LCP1: variants seen among roughly 807,000 people sequenced by gnomAD.
LCP1 encodes the protein lymphocyte cytosolic protein 1.
LCP1 carries 23 observed loss-of-function variants against 72.0 expected under a neutral mutation model. The observed-to-expected ratio is 0.32, with a 90% CI of 0.23 to 0.45. The LOEUF (loss-of-function observed/expected upper bound fraction) is 0.45. LCP1 is among the 20% of genes least tolerant of loss of function. The probability of loss-of-function intolerance (pLI) is 1.00; values close to 1 mark genes in which losing one functional copy is unlikely to be tolerated. For missense variants in LCP1, 571 were observed against 748.3 expected (o/e 0.76, Z 2.76); for synonymous variants, 245 against 275.4 (o/e 0.89, Z 1.09).
chr13:46,176,902 TGA>T (rs3033096), intron 1 of LCP1, among the ~76,000 whole-genome samples: 4 of 150,866 alleles, frequency 2.7e-5, no homozygotes, highest in African/African-American at 7.3e-5. Context: ...TGTGTGTGTG[TGA>T]GAGAGCGAGA....
At chr13:46,128,373 T>A (rs532983058) in intron 15 of LCP1, among the ~76,000 whole-genome samples, 13 of 152,054 alleles carry the variant, frequency 8.5e-5, no homozygotes, top group Admixed American at 2.0e-4. Flanking sequence ...CCGAGGCGGG[T>A]GGATCACAAG....
At chr13:46,129,497 A>G (rs1426684277) in intron 15 of LCP1, among the ~76,000 whole-genome samples, 1 of 152,140 alleles carries the variant, frequency 6.6e-6, no homozygotes, top group Non-Finnish European at 1.5e-5. Flanking sequence ...TATTTGCTCT[A>G]AAGAGCTCTA....
At chr13:46,142,217 C>T (rs2045702700) in intron 13 of LCP1, 75 bp downstream of exon 13, 4 of 1,460,134 alleles carry the variant, frequency 2.7e-6, no homozygotes, top group Non-Finnish European at 3.8e-6. Flanking sequence ...TTAACTCATA[C>T]TGCTAAAAAT....
chr13:46,172,635 G>C (rs1275419783), intron 1 of LCP1, among the ~76,000 whole-genome samples: 1 of 152,216 alleles, frequency 6.6e-6, no homozygotes, highest in Non-Finnish European at 1.5e-5. Flanking sequence ...TGGTGAGGTG[G>C]TGTCAGCGTG....
rs142667114 is a variant in LCP1, at chr13:46,178,496, C to T, written c.-25+3615G>A. 6.5e-3 allele frequency among the ~76,000 whole-genome samples: 997 copies of T among 152,262 alleles called. 37 individuals are homozygous for T. The highest frequency in any genetic ancestry group is 0.06 in the Admixed American group (914 of 15,292). On this transcript the variant is annotated intron_variant, in intron 1 of 15. Transcript: ENST00000323076. ...GGAGATATCCCTAGGAAACCAACAT[C>T]TAATCAGGAGGTGACTTCCGAGAGC...
At position 46,154,901 on chromosome 13, in the gene LCP1, A is replaced by G; in HGVS notation, c.492-15T>C. The G allele has an allele frequency of 6.2e-7, 1 of 1,603,676 alleles. No homozygotes were observed. The highest frequency in any genetic ancestry group is 8.5e-7 in the Non-Finnish European group (1 of 1,170,608). On this transcript the variant is annotated splice_polypyrimidine_tract_variant and intron_variant, in intron 5 of 15. Coordinates refer to ENST00000323076, the MANE Select transcript of LCP1 (RefSeq NM_002298.5). ...TGATCATTTTACTGAAAGAGAAACA[A>G]TTAAATTAAAGAAAGCAGTCTTCTG...
At chr13:46,162,934 G>A (rs1449279097) in intron 1 of LCP1, among the ~76,000 whole-genome samples, 2 of 151,174 alleles carry the variant, frequency 1.3e-5, no homozygotes, top group Non-Finnish European at 2.9e-5. Flanking sequence ...AAAGTGAGGC[G>A]CCCCTCCGCC....
rs1182328312 is a variant in LCP1 at position 46,159,220 on chromosome 13, C to G, written c.65-231G>C. 4 of 539,294 alleles carry G rather than the reference C, an allele frequency of 7.4e-6. No individual in the cohort carries two copies. In the South Asian group the frequency reaches 1.0e-4, roughly 14 times the overall value. The allele number at this position is 539,294 out of a possible 1,614,324, so 33.4% of individuals were successfully genotyped here. A position where few individuals can be genotyped will look rare whatever the true frequency, so the allele number is the denominator to read the frequency against. ...AAAGAGTCATAATTTCTATAAGGTA[C>G]CTCTGTTTCCACAAAGAACTCTTAT... On this transcript the variant is annotated intron_variant, in intron 2 of 15. Transcript: ENST00000323076.
chr13:46,173,202 A>G (rs965431653), intron 1 of LCP1, among the ~76,000 whole-genome samples: 2 of 152,202 alleles, frequency 1.3e-5, no homozygotes, highest in African/African-American at 2.4e-5. Context: ...AGGCAGTGAC[A>G]TGGTATGGTG....
intron 1 of LCP1, among the ~76,000 whole-genome samples, chr13:46,173,901 A>G (rs2045915608): frequency 6.6e-6 from 1 of 152,212 alleles, no homozygotes; most frequent in East Asian, 1.9e-4. Flanking sequence ...AGAAAAGCCC[A>G]ACCACATACA....
chr13:46,177,467 C>T (rs988125773), intron 1 of LCP1, among the ~76,000 whole-genome samples: 21 of 152,038 alleles, frequency 1.4e-4, no homozygotes, highest in African/African-American at 4.3e-4. Flanking sequence ...AGGTGAAACC[C>T]GTCTCTACTA....
intron 2 of LCP1, 102 bp downstream of exon 2, chr13:46,159,497 T>A (rs2045824589): frequency 1.1e-6 from 1 of 896,678 alleles, no homozygotes; most frequent in Non-Finnish European, 1.8e-6. Flanking sequence ...TGGTTTCTTG[T>A]CATCTCTGAA....
intron 9 of LCP1, among the ~76,000 whole-genome samples, chr13:46,148,084 G>A (rs1453771243): frequency 1.3e-5 from 2 of 152,226 alleles, no homozygotes; most frequent in African/African-American, 2.4e-5. Flanking sequence ...TGGGGTTATA[G>A]AGTCTACTAA....
intron 1 of LCP1, among the ~76,000 whole-genome samples, chr13:46,168,836 G>A (rs1415309677): frequency 2.0e-5 from 3 of 152,192 alleles, no homozygotes; most frequent in Non-Finnish European, 4.4e-5. Flanking sequence ...AATAACAGGA[G>A]CTGTTCAATT....
intron 1 of LCP1, among the ~76,000 whole-genome samples, chr13:46,168,284 T>C (rs577795881): frequency 6.6e-6 from 1 of 152,302 alleles, no homozygotes; most frequent in Admixed American, 6.5e-5. Context: ...CAAGTATACA[T>C]ACAAATTAGA....
rs935121821 is a variant in LCP1, at chr13:46,148,785, T to C, written c.883-338A>G. 6.0e-5 allele frequency: 54 copies of C among 896,792 alleles called. 1 individual carries two copies. The Admixed American group carries it at 3.1e-3, about 51-fold the overall frequency. 55.6% of individuals were successfully genotyped at this position (896,792 alleles called of 1,614,324 possible). A position where few individuals can be genotyped will look rare whatever the true frequency, so the allele number is the denominator to read the frequency against. On this transcript the variant is annotated intron_variant, in intron 8 of 15. Transcript: ENST00000323076. Reference sequence around the variant, plus strand: ...ATACAGGAAAATATATATATACCTTTATATTGCTGTAGAAGTCAGTCAGCT... The same window carrying C: ...ATACAGGAAAATATATATATACCTTCATATTGCTGTAGAAGTCAGTCAGCT...
At chr13:46,163,602 C>T (rs955241129) in intron 1 of LCP1, among the ~76,000 whole-genome samples, 7 of 151,052 alleles carry the variant, frequency 4.6e-5, no homozygotes, top group Non-Finnish European at 7.4e-5. Context: ...GCCAAATCCC[C>T]CTCTGCGAGA....
chr13:46,175,982 G>C (rs564248418), intron 1 of LCP1, among the ~76,000 whole-genome samples: 1 of 152,146 alleles, frequency 6.6e-6, no homozygotes. Context: ...AGGGTGATAT[G>C]AGCAGATGAT....
chr13:46,149,250 T>C (rs2045748749), intron 8 of LCP1, among the ~76,000 whole-genome samples: 1 of 152,186 alleles, frequency 6.6e-6, no homozygotes. Flanking sequence ...TTAGGGTAGG[T>C]AAGGCCTGGG....
Sources: allele counts gnomAD v4.1 joint callset (sites outside exome capture counted in the v4.1 genomes callset), GRCh38; gene constraint gnomAD v4.1.1; transcripts MANE v1.5; gene names NCBI Gene and HGNC (gene_info 2026-07-23, HGNC 2026-07-21).